The following LDLRAD4 variants were observed in gnomAD, a reference collection of about 807,000 sequenced individuals.
LDLRAD4 encodes the protein low-density lipoprotein receptor class A domain-containing protein 4.
Under a neutral mutation model 17.0 loss-of-function variants are expected in LDLRAD4, and 5 were observed. The ratio of observed to expected loss-of-function variants is 0.29; its 90% CI spans 0.15 to 0.62. The LOEUF (loss-of-function observed/expected upper bound fraction) is 0.62. Among genes scored for constraint, LDLRAD4 ranks in the 20% least tolerant of loss-of-function variants. LDLRAD4 has a pLI of 0.84. For synonymous variants in LDLRAD4, 168 were observed against 171.8 expected (o/e 0.98, Z 0.17); for missense variants, 340 against 424.7 (o/e 0.80, Z 1.75).
chr18:13,592,156 T>G (rs1301796389), intron 3 of LDLRAD4, among the ~76,000 whole-genome samples: 1 of 152,246 alleles, frequency 6.6e-6, no homozygotes, highest in Non-Finnish European at 1.5e-5. Context: ...GGTTTTACCT[T>G]GTTGAATAGG....
chr18:13,369,573 A>G (rs2084308506), intron 1 of LDLRAD4, among the ~76,000 whole-genome samples: 1 of 152,218 alleles, frequency 6.6e-6, no homozygotes, highest in East Asian at 1.9e-4. Flanking sequence ...GACCGTGAGA[A>G]GACACAGGTG....
At chr18:13,630,218 C>T (rs1324216042) in intron 4 of LDLRAD4, among the ~76,000 whole-genome samples, 2 of 152,092 alleles carry the variant, frequency 1.3e-5, no homozygotes, top group African/African-American at 2.4e-5. Context: ...TCTTAAGGGA[C>T]GTGCCCTAGA....
chr18:13,596,203 T>C (rs1038091115), intron 3 of LDLRAD4, among the ~76,000 whole-genome samples: 1 of 152,208 alleles, frequency 6.6e-6, no homozygotes, highest in Non-Finnish European at 1.5e-5. Context: ...AGTTTTCTTA[T>C]GACTGTTGTT....
At chr18:13,415,306 G>A (rs553670674) in intron 2 of LDLRAD4, among the ~76,000 whole-genome samples, 4 of 152,278 alleles carry the variant, frequency 2.6e-5, no homozygotes, top group Admixed American at 6.5e-5. Flanking sequence ...TGCTCATTAC[G>A]GTGGGTAATA....
At chr18:13,598,876 A>G (rs1405841218) in intron 3 of LDLRAD4, among the ~76,000 whole-genome samples, 4 of 152,182 alleles carry the variant, frequency 2.6e-5, no homozygotes, top group Admixed American at 6.5e-5. Context: ...GATGGGCAGG[A>G]CACTGGGTAG....
At chr18:13,528,012 C>T (rs2094061445) in intron 3 of LDLRAD4, among the ~76,000 whole-genome samples, 3 of 152,204 alleles carry the variant, frequency 2.0e-5, no homozygotes, top group Admixed American at 2.0e-4. Context: ...CTGGGACACT[C>T]CCTCCTGGCT....
At chr18:13,515,091 C>T (rs2093843800) in intron 3 of LDLRAD4, 1 of 152,178 alleles carries the variant, frequency 6.6e-6, no homozygotes, top group South Asian at 2.1e-4. Flanking sequence ...AATTACATAA[C>T]TGTTAAAGGG....
intron 3 of LDLRAD4, among the ~76,000 whole-genome samples, chr18:13,469,540 T>C (rs377747861): frequency 6.6e-6 from 1 of 152,238 alleles, no homozygotes; most frequent in East Asian, 1.9e-4. Context: ...TGATGAAATA[T>C]TACTCAGCCA....
chr18:13,316,701 G>A (rs1349849214), intron 1 of LDLRAD4, among the ~76,000 whole-genome samples: 1 of 152,170 alleles, frequency 6.6e-6, no homozygotes, highest in African/African-American at 2.4e-5. Flanking sequence ...GAAGCTGTTG[G>A]AGAACTAATT....
chr18:13,627,091 G>A (rs953536714), intron 4 of LDLRAD4, among the ~76,000 whole-genome samples: 1 of 152,166 alleles, frequency 6.6e-6, no homozygotes, highest in Non-Finnish European at 1.5e-5. Flanking sequence ...CCAACATGGT[G>A]AAACCTTGTC....
At chr18:13,268,305 C>T (rs1263186779) in intron 1 of LDLRAD4, among the ~76,000 whole-genome samples, 2 of 152,202 alleles carry the variant, frequency 1.3e-5, no homozygotes, top group Admixed American at 1.3e-4. Flanking sequence ...GCTTCCCTCC[C>T]CTGTTGGGAT....
In LDLRAD4 at chr18:13,537,806, GAGAA is replaced by G. The variant is rs549843758; in HGVS notation, c.182-83303_182-83300del. ...TGTGTGTGTGTGTATGTGTGTGTGT[GAGAA>G]AGAAAGAGAAAAAGGGAGATATTTA... On this transcript the variant is annotated intron_variant, in intron 3 of 5. Transcript: ENST00000359446. 1.4e-4 allele frequency among the ~76,000 whole-genome samples: 21 copies of G among 152,238 alleles called. 1 individual carries two copies. The East Asian group carries it at 3.7e-3, about 27-fold the overall frequency.
At chr18:13,348,223 A>T (rs534078968) in intron 1 of LDLRAD4, among the ~76,000 whole-genome samples, 1 of 152,044 alleles carries the variant, frequency 6.6e-6, no homozygotes, top group South Asian at 2.1e-4. Context: ...TTGGTCTTTG[A>T]TGATGGTGAC....
At chr18:13,453,254 C>T (rs781369448) in intron 3 of LDLRAD4, among the ~76,000 whole-genome samples, 8 of 152,108 alleles carry the variant, frequency 5.3e-5, no homozygotes, top group African/African-American at 9.7e-5. Flanking sequence ...TGAGGAGGCC[C>T]GTGAACTGGT....
intron 4 of LDLRAD4, among the ~76,000 whole-genome samples, chr18:13,631,869 GTGACCTGAGATCGTGCCAC>G (rs1287498863): frequency 6.6e-6 from 1 of 152,176 alleles, no homozygotes; most frequent in Non-Finnish European, 1.5e-5. Flanking sequence ...GGAGGTTGCA[GTGACCTGAGATCGTGCCAC>G]TGTACTCCAG....
chr18:13,413,247 C>G (rs1017827844), intron 2 of LDLRAD4, among the ~76,000 whole-genome samples: 3 of 152,166 alleles, frequency 2.0e-5, no homozygotes, highest in African/African-American at 7.2e-5. Context: ...ACAGACCTAT[C>G]AAGTGGGGAG....
intron 1 of LDLRAD4, among the ~76,000 whole-genome samples, chr18:13,352,160 C>G (rs2083077226): frequency 6.6e-6 from 1 of 152,174 alleles, no homozygotes; most frequent in South Asian, 2.1e-4. Context: ...CAAAATCATA[C>G]TGAATGGGCA....
At chr18:13,227,933 C>T (rs2041891519) in intron 1 of LDLRAD4, among the ~76,000 whole-genome samples, 1 of 152,226 alleles carries the variant, frequency 6.6e-6, no homozygotes. Flanking sequence ...CGTATCAGCA[C>T]AGTTCTGTGT....
At chr18:13,364,150 A>C (rs2083889667) in intron 1 of LDLRAD4, among the ~76,000 whole-genome samples, 1 of 152,210 alleles carries the variant, frequency 6.6e-6, no homozygotes, top group Non-Finnish European at 1.5e-5. Flanking sequence ...TTTTGGCAAA[A>C]GATATATATG....
Sources: gnomAD v4.1 joint callset for allele counts (sites outside exome capture counted in the v4.1 genomes callset) on GRCh38, gnomAD v4.1.1 for gene constraint, MANE v1.5 for transcripts, NCBI Gene and HGNC (gene_info 2026-07-23, HGNC 2026-07-21) for gene names.